SDR16C5: variants seen among roughly 807,000 people sequenced by gnomAD.
SDR16C5 encodes short chain dehydrogenase/reductase family 16C member 5.
Under a neutral mutation model 27.7 loss-of-function variants are expected in SDR16C5, and 20 were observed. That is an observed-to-expected ratio of 0.72 (90% confidence interval 0.51 to 1.05). SDR16C5 has a LOEUF of 1.05. SDR16C5 is among the 50% of genes least tolerant of loss of function. SDR16C5 has a pLI of 0.00. For missense variants in SDR16C5, 374 were observed against 366.3 expected, an observed-to-expected ratio of 1.02 and a Z score of -0.17; for synonymous variants, 139 against 132.3, an observed-to-expected ratio of 1.05 and a Z score of -0.35.
chr8:56,302,253 C>T (rs1206051849), intron 6 of SDR16C5, among the ~76,000 whole-genome samples: 2 of 152,230 alleles, frequency 1.3e-5, no homozygotes, highest in Non-Finnish European at 2.9e-5. Context: ...GGACCCCATG[C>T]TCCTTGTTCC....
intron 6 of SDR16C5, among the ~76,000 whole-genome samples, chr8:56,305,298 TAA>T (rs1167950122): frequency 6.6e-6 from 1 of 152,140 alleles, no homozygotes; most frequent in Non-Finnish European, 1.5e-5. Flanking sequence ...AAATCTCTCC[TAA>T]AAAAATCATT....
intron 3 of SDR16C5, 111 bp downstream of exon 3, chr8:56,312,046 G>C: frequency 1.1e-6 from 1 of 904,978 alleles, no homozygotes; most frequent in South Asian, 1.7e-5. Context: ...GTCCAAAACT[G>C]AGAAGTCTCT....
At position 56,316,252 on chromosome 8, in the gene SDR16C5, T is replaced by C; in HGVS notation, c.96A>G (p.Pro32=). 1 of 1,614,016 alleles carries C rather than the reference T, an allele frequency of 6.2e-7. No homozygotes were observed. Among genetic ancestry groups the C allele is most frequent in the Non-Finnish European group, 8.5e-7 (1 of 1,179,874 alleles). ...LLEAMIFALL[P]KPRKNVAGEI... is the part of the protein sequence containing the mutation. ...CACCAGCAACGTTCTTCCGTGGCTT[T>C]GGGAGTAAGGCAAAAATCATAGCCT... is the stretch of plus-strand genomic sequence containing the variant. Residue 32 remains proline (P), a synonymous_variant, in exon 2 of 7, where the codon CCA becomes CCG. Coordinates refer to ENST00000303749, the MANE Select transcript of SDR16C5 (RefSeq NM_138969.4).
At chr8:56,305,450 G>T in intron 6 of SDR16C5, 147 bp downstream of exon 6, 1 of 658,124 alleles carries the variant, frequency 1.5e-6, no homozygotes. Context: ...TCAGCAATGG[G>T]CACAATGATA....
intron 5 of SDR16C5, among the ~76,000 whole-genome samples, chr8:56,306,103 C>T (rs1814875213): frequency 6.6e-6 from 1 of 152,168 alleles, no homozygotes; most frequent in Admixed American, 6.5e-5. Flanking sequence ...CCCAAAAATT[C>T]ACATGTTGAA....
In SDR16C5 at chr8:56,301,487, T is replaced by C. The variant is rs768611786; in HGVS notation, c.923A>G (p.Lys308Arg). 1.9e-6 allele frequency: 3 copies of C among 1,612,766 alleles called. No homozygotes were observed. Among genetic ancestry groups the C allele is most frequent in the Non-Finnish European group, 2.5e-6 (3 of 1,178,712 alleles). ...TAGCCATAGAGTTGGTCTTTAGAGC[T>C]TCTTCTTTTGGTCAACAAAGCCATC... Reference protein sequence around the residue: ...AMDGFVDQKKKL With the variant: ...AMDGFVDQKKRL The change falls in exon 7 of 7, where the codon AAG becomes AGG. Residue 308 changes from lysine to arginine, a missense_variant. Coordinates refer to ENST00000303749, the MANE Select transcript of SDR16C5 (RefSeq NM_138969.4).
Position 56,312,165 on chromosome 8 carries a change from G to A in SDR16C5, c.457C>T (p.His153Tyr). The A allele has an allele frequency of 6.2e-7, 1 of 1,611,906 alleles. No homozygotes were observed. Among genetic ancestry groups the A allele is most frequent in the South Asian group, 1.1e-5 (1 of 90,944 alleles). The change falls in exon 3 of 7, where the codon CAT (histidine) becomes TAT (tyrosine). Residue 153 changes from histidine (H) to tyrosine (Y), a missense_variant. By Grantham distance (83) the His-to-Tyr change is moderately conservative. Coordinates refer to ENST00000303749, the MANE Select transcript of SDR16C5 (RefSeq NM_138969.4). Reference protein sequence around the residue: ...EKSFDVNFKAHLWTYKAFLPA... With the variant: ...EKSFDVNFKAYLWTYKAFLPA... ...GAAGAAACAATTATTACCCATAAAT[G>A]TGCTTTGAAATTCACATCAAATGAC...
Position 56,316,052 on chromosome 8 carries a change from C to T in SDR16C5, c.296G>A (p.Cys99Tyr). 1.2e-6 allele frequency: 2 copies of T among 1,614,110 alleles called. No homozygotes were observed. Among genetic ancestry groups the T allele is most frequent in the Admixed American group, 1.7e-5 (1 of 60,028 alleles). Residue 99 changes from cysteine to tyrosine, a missense_variant, in exon 2 of 7, where the codon TGC becomes TAC. Transcript: ENST00000303749. Reference protein sequence around the residue: ...ATRVHAYTCDCSQKEGVYRVA... With the variant: ...ATRVHAYTCDYSQKEGVYRVA... ...TCTATACACTCCTTCCTTTTGGCTG[C>T]AATCGCAGGTATAGGCGTGCACTCT... is the stretch of plus-strand genomic sequence containing the variant.
Position 56,308,913 on chromosome 8 carries a change from C to G in SDR16C5, c.565+15G>C. On this transcript the variant is annotated intron_variant, in intron 4 of 6. Coordinates refer to ENST00000303749, the MANE Select transcript of SDR16C5 (RefSeq NM_138969.4). ...TAGGGAATTTTGCAATTGTAAATTG[C>G]TATGTTTTTCTTACCTGCCAGCCCA... 1.3e-6 allele frequency: 2 copies of G among 1,585,010 alleles called. No individual in the cohort carries two copies. The highest frequency in any genetic ancestry group is 1.7e-6 in the Non-Finnish European group (2 of 1,160,390).
chr8:56,309,115 CT>C lies in SDR16C5; in HGVS notation c.466-89del, dbSNP rs149849328. 1,228 of 1,040,820 alleles carry C rather than the reference CT, an allele frequency of 1.2e-3. 13 individuals carry two copies. In the African/African-American group the frequency reaches 0.017, roughly 14 times the overall value. 64.5% of individuals were successfully genotyped at this position (1,040,820 alleles called of 1,614,324 possible). A position where few individuals can be genotyped will look rare whatever the true frequency, so the allele number is the denominator to read the frequency against. On this transcript the variant is annotated intron_variant, in intron 3 of 6. Coordinates refer to ENST00000303749, the MANE Select transcript of SDR16C5 (RefSeq NM_138969.4). ...TATATACTCATTGTGATTAAAAAAT[CT>C]TTTTTTTTCAGCCTGTAAAATATCT...
rs1814752613 is a variant in SDR16C5, at chr8:56,301,471, A to G, written c.*9T>C. ...GTGTATCAGATGACCTTAGCCATAG[A>G]GTTGGTCTTTAGAGCTTCTTCTTTT... On this transcript the variant is annotated 3_prime_UTR_variant, in exon 7 of 7. Transcript: ENST00000303749. 5.6e-6 allele frequency: 9 copies of G among 1,594,454 alleles called. No individual in the cohort carries two copies. The highest frequency in any genetic ancestry group is 1.7e-5 in the Admixed American group (1 of 59,974).
At chr8:56,303,888 A>G in intron 6 of SDR16C5, 2 of 693,976 alleles carry the variant, frequency 2.9e-6, no homozygotes, top group Non-Finnish European at 2.6e-6. Context: ...ACACGAATCT[A>G]CAAGCTACGA....
chr8:56,318,576 A>G (rs1353215643), intron 1 of SDR16C5, among the ~76,000 whole-genome samples: 1 of 152,094 alleles, frequency 6.6e-6, no homozygotes, highest in African/African-American at 2.4e-5. Flanking sequence ...TCCCTTTTAT[A>G]TCACTATGTG....
rs977200765 is a variant in SDR16C5, at chr8:56,300,319, C to T, written c.*1161G>A. 1 of 151,996 alleles carries T rather than the reference C, an allele frequency of 6.6e-6. No homozygotes were observed. Among genetic ancestry groups the T allele is most frequent in the African/African-American group, 2.4e-5 (1 of 41,370 alleles). The allele number at this position is 151,996 out of a possible 1,614,324, so 9.4% of individuals were successfully genotyped here. On this transcript the variant is annotated 3_prime_UTR_variant, in exon 7 of 7. Coordinates refer to ENST00000303749, the MANE Select transcript of SDR16C5 (RefSeq NM_138969.4). ...TGCCCCTATGACAGCATTTTACCCC[C>T]AAGATAGTCAAATTCTCAATTCTTT...
At chr8:56,317,892 A>G (rs1815240792) in intron 1 of SDR16C5, among the ~76,000 whole-genome samples, 1 of 152,094 alleles carries the variant, frequency 6.6e-6, no homozygotes, top group South Asian at 2.1e-4. Context: ...GGCTGAGGGG[A>G]TGGGCAGCCT....
chr8:56,316,553 C>T (rs1815203723), intron 1 of SDR16C5, among the ~76,000 whole-genome samples, 192 bp from the exon 2 acceptor site: 1 of 152,222 alleles, frequency 6.6e-6, no homozygotes, highest in Non-Finnish European at 1.5e-5. Flanking sequence ...ATTCGGCTTT[C>T]TTACTTGGCC....
Position 56,301,464 on chromosome 8 carries a change from G to C in SDR16C5, c.*16C>G. 1.3e-6 allele frequency: 2 copies of C among 1,569,618 alleles called. No individual in the cohort carries two copies. The highest frequency in any genetic ancestry group is 1.3e-5 in the African/African-American group (1 of 74,158). On this transcript the variant is annotated 3_prime_UTR_variant, in exon 7 of 7. Transcript: ENST00000303749. ...TAACACTGTGTATCAGATGACCTTA[G>C]CCATAGAGTTGGTCTTTAGAGCTTC...
intron 6 of SDR16C5, among the ~76,000 whole-genome samples, chr8:56,305,038 C>T (rs1282989207): frequency 2.0e-5 from 3 of 152,204 alleles, no homozygotes; most frequent in Non-Finnish European, 4.4e-5. Flanking sequence ...TCCCAAAGTG[C>T]TGGGATTACA....
In SDR16C5 at chr8:56,306,133, C is replaced by T. The variant is rs557144936; in HGVS notation, c.711-411G>A. Among the ~76,000 whole-genome samples, 93 of 152,248 alleles carry T rather than the reference C, an allele frequency of 6.1e-4. 1 individual carries two copies. Among genetic ancestry groups the T allele is most frequent in the Admixed American group, 2.8e-3 (43 of 15,304 alleles). On this transcript the variant is annotated intron_variant, in intron 5 of 6. Transcript: ENST00000303749. Reference sequence around the variant, plus strand: ...GTTGAAGCCTAAACTCCCAATGTGACGGCATTTGGAGGTGGGGCTTTTGAG... The same window carrying T: ...GTTGAAGCCTAAACTCCCAATGTGATGGCATTTGGAGGTGGGGCTTTTGAG...
Sources: allele counts gnomAD v4.1 joint callset (sites outside exome capture counted in the v4.1 genomes callset), GRCh38; gene constraint gnomAD v4.1.1; transcripts MANE v1.5; gene names NCBI Gene and HGNC (gene_info 2026-07-23, HGNC 2026-07-21).